FYB1: variants seen among roughly 807,000 people sequenced by gnomAD.
FYB1 encodes the protein FYN-binding protein 1.
FYB1 carries 41 observed loss-of-function variants against 94.1 expected under a neutral mutation model. The observed-to-expected ratio is 0.44, with a 90% CI of 0.34 to 0.57. The LOEUF (loss-of-function observed/expected upper bound fraction) is 0.57. Ranked by LOEUF, FYB1 falls within the 20% of genes least tolerant of loss-of-function variation. FYB1 has a pLI of 0.02. For missense variants in FYB1, 1,050 were observed against 976.8 expected (o/e 1.07, Z -1.00); for synonymous variants, 367 against 353.2 (o/e 1.04, Z -0.44).
intron 2 of FYB1, among the ~76,000 whole-genome samples, chr5:39,185,473 T>C (rs1474179439): frequency 1.3e-5 from 2 of 149,754 alleles, no homozygotes; most frequent in East Asian, 3.9e-4. Context: ...CAGCAAGCTC[T>C]GCTCACCCTA....
At chr5:39,241,043 A>T (rs1362736332) in intron 1 of FYB1, among the ~76,000 whole-genome samples, 2 of 152,094 alleles carry the variant, frequency 1.3e-5, no homozygotes, top group Non-Finnish European at 2.9e-5. Flanking sequence ...TGGAGGTTAT[A>T]ATCCTAAGTG....
At chr5:39,156,919 G>A (rs898973365) in intron 2 of FYB1, among the ~76,000 whole-genome samples, 1 of 152,102 alleles carries the variant, frequency 6.6e-6, no homozygotes, top group African/African-American at 2.4e-5. Flanking sequence ...ATAGTAAAAT[G>A]AGCAAAGAAA....
At chr5:39,148,155 T>TTATATACATA (rs1742877094) in intron 3 of FYB1, among the ~76,000 whole-genome samples, 1 of 37,658 alleles carries the variant, frequency 2.7e-5, no homozygotes, top group African/African-American at 1.3e-4. Flanking sequence ...TATGTATTTT[T>TTATATACATA]TATATATATA....
At chr5:39,270,007 C>A (rs1040782343) in intron 1 of FYB1, among the ~76,000 whole-genome samples, 28 of 152,246 alleles carry the variant, frequency 1.8e-4, no homozygotes, top group African/African-American at 6.5e-4. Context: ...ACCCACTCAC[C>A]ATTTTAAGTA....
chr5:39,181,025 C>T (rs1210082475), intron 2 of FYB1, among the ~76,000 whole-genome samples: 1 of 152,156 alleles, frequency 6.6e-6, no homozygotes, highest in Non-Finnish European at 1.5e-5. Flanking sequence ...GCACACAGTT[C>T]AAAGGTGTTT....
upstream of FYB1, among the ~76,000 whole-genome samples, chr5:39,223,153 T>C (rs1339104526): frequency 6.6e-6 from 1 of 151,992 alleles, no homozygotes; most frequent in Non-Finnish European, 1.5e-5. Flanking sequence ...AATAAAAAAA[T>C]AAAAGCAAAA....
At chr5:39,177,376 G>A (rs1344064621) in intron 2 of FYB1, among the ~76,000 whole-genome samples, 2 of 152,180 alleles carry the variant, frequency 1.3e-5, no homozygotes, top group Non-Finnish European at 2.9e-5. Context: ...GAGCTATAGA[G>A]CTAGAAGGTA....
At chr5:39,264,263 A>G (rs1445203832) in intron 1 of FYB1, among the ~76,000 whole-genome samples, 1 of 152,182 alleles carries the variant, frequency 6.6e-6, no homozygotes, top group African/African-American at 2.4e-5. Context: ...GGAGAAGCCA[A>G]AAGAGCTTAT....
At chr5:39,120,438 T>G (rs1401226174) in intron 14 of FYB1, among the ~76,000 whole-genome samples, 6 of 152,126 alleles carry the variant, frequency 3.9e-5, no homozygotes, top group Non-Finnish European at 7.4e-5. Flanking sequence ...AACAGTGATT[T>G]TTGTAGCCTG....
intron 1 of FYB1, among the ~76,000 whole-genome samples, chr5:39,233,072 G>A (rs1452755851): frequency 6.6e-6 from 1 of 152,002 alleles, no homozygotes; most frequent in African/African-American, 2.4e-5. Context: ...GAGTCCTTTG[G>A]GTATATACCC....
At position 39,132,619 on chromosome 5, in the gene FYB1, G is replaced by T. The variant is rs182185294; in HGVS notation, c.1817+1589C>A. Among the ~76,000 whole-genome samples the T allele has an allele frequency of 7.9e-5, 12 of 152,290 alleles. 1 individual carries two copies. The highest frequency in any genetic ancestry group is 2.6e-4 in the African/African-American group (11 of 41,562). On this transcript the variant is annotated intron_variant, in intron 9 of 18. Transcript: ENST00000512982. ...TATGGATTCAATAAAATGGAAAAAG[G>T]TGATAATGCTAGTTTTGGGAAATAT...
At chr5:39,244,312 T>C (rs1410060587) in intron 1 of FYB1, among the ~76,000 whole-genome samples, 1 of 152,192 alleles carries the variant, frequency 6.6e-6, no homozygotes, top group East Asian at 1.9e-4. Flanking sequence ...TTGAGGTACG[T>C]CCCATCAATA....
At chr5:39,226,169 T>C (rs1237536789) in intron 1 of FYB1, among the ~76,000 whole-genome samples, 1 of 152,192 alleles carries the variant, frequency 6.6e-6, no homozygotes, top group African/African-American at 2.4e-5. Flanking sequence ...TACATGTTCA[T>C]GTGTAACCAG....
intron 1 of FYB1, among the ~76,000 whole-genome samples, chr5:39,260,223 G>T (rs1752154965): frequency 6.6e-6 from 1 of 152,182 alleles, no homozygotes; most frequent in Admixed American, 6.5e-5. Flanking sequence ...AAAGTCATTA[G>T]GCTTTAGATC....
At chr5:39,194,254 C>T (rs1747625813) in intron 2 of FYB1, among the ~76,000 whole-genome samples, 2 of 152,170 alleles carry the variant, frequency 1.3e-5, no homozygotes. Context: ...GGTGCAGTGG[C>T]TCATGTCTGT....
chr5:39,160,428 T>C (rs1009352811), intron 2 of FYB1, among the ~76,000 whole-genome samples: 3 of 152,182 alleles, frequency 2.0e-5, no homozygotes, highest in Admixed American at 6.5e-5. Flanking sequence ...CTTAGAATAG[T>C]CTAAGAATGA....
intron 2 of FYB1, among the ~76,000 whole-genome samples, chr5:39,194,711 G>T (rs1364180127): frequency 6.6e-6 from 1 of 152,096 alleles, no homozygotes; most frequent in Non-Finnish European, 1.5e-5. Flanking sequence ...GATTAATAGG[G>T]GTAGTTCGTA....
rs780303540 is a variant in FYB1 at position 39,201,911 on chromosome 5, C to A, written c.1050G>T (p.Leu350Phe). 5.0e-5 allele frequency: 80 copies of A among 1,613,876 alleles called. No homozygotes were observed. The African/African-American group carries it at 5.1e-4, about 10-fold the overall frequency. ...TTGGTGGAGGTGGACCCAAGGTAAA[C>A]AAGGGAGGCAATGGCTTCTGTTTCG... ...ATPKQKPLPPLFTLGPPPPKP... is the reference protein window; with the variant it reads ...ATPKQKPLPPFFTLGPPPPKP... The change falls in exon 2 of 19, where the codon TTG becomes TTT. Residue 350 changes from leucine (L) to phenylalanine (F), a missense_variant. Physicochemically the swap from Leu to Phe is conservative, Grantham distance 22. Transcript: ENST00000512982.
At chr5:39,111,684 G>A (rs935240762) in intron 16 of FYB1, among the ~76,000 whole-genome samples, 2 of 151,724 alleles carry the variant, frequency 1.3e-5, no homozygotes, top group East Asian at 1.9e-4. Context: ...TTGAATTCTC[G>A]TAGTAGGAAA....
Sources: gnomAD v4.1 joint callset for allele counts (sites outside exome capture counted in the v4.1 genomes callset) on GRCh38, gnomAD v4.1.1 for gene constraint, MANE v1.5 for transcripts, NCBI Gene and HGNC (gene_info 2026-07-23, HGNC 2026-07-21) for gene names.